The following CRMP1 variants were observed in gnomAD, a reference collection of about 807,000 sequenced individuals.
CRMP1 encodes collapsin response mediator protein 1, also known as dihydropyrimidinase-related protein 1.
Under a neutral mutation model 68.3 loss-of-function variants are expected in CRMP1, and 19 were observed. The ratio of observed to expected loss-of-function variants is 0.28; its 90% CI spans 0.19 to 0.41. The LOEUF (loss-of-function observed/expected upper bound fraction) is 0.41, where lower values mean the gene tolerates loss of function less well. Ranked by LOEUF, CRMP1 falls within the 10% of genes least tolerant of loss-of-function variation. CRMP1 has a pLI of 1.00. For synonymous variants in CRMP1, 439 were observed against 399.6 expected (o/e 1.10, Z -1.18); for missense variants, 791 against 967.4 (o/e 0.82, Z 2.42).
chr4:5,868,132 G>A lies in CRMP1; in HGVS notation c.382-1376C>T, dbSNP rs537111722. Among the ~76,000 whole-genome samples the A allele has an allele frequency of 4.6e-5, 7 of 151,676 alleles. No individual in the cohort carries two copies. In the East Asian group the frequency reaches 7.8e-4, roughly 17 times the overall value. On this transcript the variant is annotated intron_variant, in intron 1 of 13. Coordinates refer to ENST00000324989, the MANE Select transcript of CRMP1 (RefSeq NM_001014809.3). ...AAAGCTTCACCATATGGAGTGTTCC[G>A]GGCAGAGGAAATGATATGCAAGTCA...
rs1167603120 is a variant in CRMP1 at position 5,835,991 on chromosome 4, G to A, written c.1547C>T (p.Ala516Val). 2 of 1,605,236 alleles carry A rather than the reference G, an allele frequency of 1.2e-6. No individual in the cohort carries two copies. Among genetic ancestry groups the A allele is most frequent in the East Asian group, 2.3e-5 (1 of 44,130 alleles). The change falls in exon 11 of 14, where the codon GCC becomes GTC. Residue 516 changes from alanine (A) to valine (V), a missense_variant. By Grantham distance (64) the Ala-to-Val change is moderately conservative. This residue lies in a region of CRMP1 where 594 missense variants were observed against 763.6 expected (regional missense o/e 0.78). Coordinates refer to ENST00000324989, the MANE Select transcript of CRMP1 (RefSeq NM_001014809.3). Reference protein sequence around the residue: ...FNLYPRKGRIAVGSDADVVIW... With the variant: ...FNLYPRKGRIVVGSDADVVIW... ...GACCACGTCGGCATCCGAGCCCACG[G>A]CAATCCGCCCTTTCCTTGGGTACAG... is the stretch of plus-strand genomic sequence containing the variant.
chr4:5,843,542 T>C lies in CRMP1; in HGVS notation c.964-381A>G, dbSNP rs1353867551. ...TGGGTACAACATGGATATCTTCAAC[T>C]AGGAATCCTACTCTAGTCTTTGATG... On this transcript the variant is annotated intron_variant, in intron 6 of 13. Transcript: ENST00000324989. The surrounding 1 kb of genome is among the most constrained non-coding windows in gnomAD (Gnocchi z 4.1). Among the ~76,000 whole-genome samples, 1 of 152,128 alleles carries C rather than the reference T, an allele frequency of 6.6e-6. No homozygotes were observed. Among genetic ancestry groups the C allele is most frequent in the Non-Finnish European group, 1.5e-5 (1 of 68,028 alleles).
At chr4:5,839,492 C>T in intron 9 of CRMP1, 30 bp downstream of exon 9, 2 of 1,582,888 alleles carry the variant, frequency 1.3e-6, no homozygotes, top group South Asian at 1.2e-5. Context: ...CCAGCTGCCT[C>T]CCCCAGCCCC....
rs781303228 is a variant in CRMP1 at position 5,851,480 on chromosome 4, AT to A, written c.821-12del. ...GGAAGGAATTGACGCCTGTTTCAAG[AT>A]AGAAAGGATAGAAAAATATGTTTAA... On this transcript the variant is annotated splice_polypyrimidine_tract_variant and intron_variant, in intron 4 of 13. Coordinates refer to ENST00000324989, the MANE Select transcript of CRMP1 (RefSeq NM_001014809.3). 5 of 1,611,042 alleles carry A rather than the reference AT, an allele frequency of 3.1e-6. No individual in the cohort carries two copies. Among genetic ancestry groups the A allele is most frequent in the Middle Eastern group, 1.7e-4 (1 of 6,054 alleles).
chr4:5,837,029 AAGAG>A (rs1243156437), intron 9 of CRMP1, 123 bp from the exon 10 acceptor site: 1 of 1,119,404 alleles, frequency 8.9e-7, no homozygotes, highest in Non-Finnish European at 1.3e-6. Flanking sequence ...GCCAGTGGGT[AAGAG>A]AGACTCTCTA....
In CRMP1 at chr4:5,834,910, C is replaced by A. The variant is rs1720629811; in HGVS notation, c.1623+1005G>T. 6.6e-6 allele frequency among the ~76,000 whole-genome samples: 1 copy of A among 152,206 alleles called. No homozygotes were observed. Among genetic ancestry groups the A allele is most frequent in the Admixed American group, 6.5e-5 (1 of 15,286 alleles). On this transcript the variant is annotated intron_variant, in intron 11 of 13. Transcript: ENST00000324989. This position sits in a 1 kb window ranked among gnomAD's most constrained non-coding sequence, Gnocchi z 4.3. ...CAAGGTCAGTGAGCAGCTACCGAGA[C>A]CTCTGCTTCTGCAGGCCATGTCTGT... is the stretch of plus-strand genomic sequence containing the variant.
intron 1 of CRMP1, chr4:5,887,294 G>A (rs1715657682): frequency 1.1e-6 from 1 of 940,928 alleles, no homozygotes; most frequent in Admixed American, 6.2e-5. Flanking sequence ...TAAATGAGCA[G>A]GCTGGGTCTC....
At position 5,856,296 on chromosome 4, in the gene CRMP1, C is replaced by T; in HGVS notation, c.667G>A (p.Val223Ile). 1.9e-6 allele frequency: 3 copies of T among 1,613,580 alleles called. No individual in the cohort carries two copies. The highest frequency in any genetic ancestry group is 2.5e-6 in the Non-Finnish European group (3 of 1,179,724). The change falls in exon 4 of 14, where the codon GTT becomes ATT. Residue 223 changes from valine (V) to isoleucine (I), a missense_variant. By Grantham distance (29) the Val-to-Ile change is conservative. Transcript: ENST00000324989. ...AGTAGGCTGGACCCAGGTTCAGGAA[C>T]AACATGGTCAACTGGGACAGAGAAA... ...GGTTMIIDHVVPEPGSSLLTS... is the reference protein window; with the variant it reads ...GGTTMIIDHVIPEPGSSLLTS...
In CRMP1 at chr4:5,888,404, C is replaced by G. The variant is rs1000790508; in HGVS notation, c.381+4185G>C. 1 of 1,219,180 alleles carries G rather than the reference C, an allele frequency of 8.2e-7. No homozygotes were observed. Among genetic ancestry groups the G allele is most frequent in the Non-Finnish European group, 1.0e-6 (1 of 979,588 alleles). 75.5% of individuals were successfully genotyped at this position (1,219,180 alleles called of 1,614,324 possible). A position where few individuals can be genotyped will look rare whatever the true frequency, so the allele number is the denominator to read the frequency against. Reference sequence around the variant, plus strand: ...GAGACACGGACGGAGGCTCGGCGCCCGTGGATGCCCACGCGCGGCTGCCCC... The same window carrying G: ...GAGACACGGACGGAGGCTCGGCGCCGGTGGATGCCCACGCGCGGCTGCCCC... On this transcript the variant is annotated intron_variant, in intron 1 of 13. Coordinates refer to ENST00000324989, the MANE Select transcript of CRMP1 (RefSeq NM_001014809.3). The surrounding 1 kb of genome is among the most constrained non-coding windows in gnomAD (Gnocchi z 6.4).
chr4:5,851,716 GGGA>G (rs1560502175), intron 4 of CRMP1, among the ~76,000 whole-genome samples: 2 of 150,760 alleles, frequency 1.3e-5, no homozygotes, highest in Non-Finnish European at 3.0e-5. Context: ...GAGGAGGAAG[GGGA>G]GGAGAAGGAG....
In CRMP1 at chr4:5,883,142, A is replaced by G. The variant is rs1715317984; in HGVS notation, c.381+9447T>C. Among the ~76,000 whole-genome samples, 1 of 152,038 alleles carries G rather than the reference A, an allele frequency of 6.6e-6. No homozygotes were observed. The highest frequency in any genetic ancestry group is 1.5e-5 in the Non-Finnish European group (1 of 67,996). ...GGCTGATGTCATCCTCCAAACCCCA[A>G]GAAGCCATCTCTTGTTGCTTCTGCC... On this transcript the variant is annotated intron_variant, in intron 1 of 13. Coordinates refer to ENST00000324989, the MANE Select transcript of CRMP1 (RefSeq NM_001014809.3). The surrounding 1 kb of genome is among the most constrained non-coding windows in gnomAD (Gnocchi z 4.5).
rs1553910116 is a variant in CRMP1, at chr4:5,891,175, T to TACACATACACACAC, written c.381+1413_381+1414insGTGTGTGTATGTGT. On this transcript the variant is annotated intron_variant, in intron 1 of 13. Coordinates refer to ENST00000324989, the MANE Select transcript of CRMP1 (RefSeq NM_001014809.3). The surrounding 1 kb of genome is among the most constrained non-coding windows in gnomAD (Gnocchi z 5.2). ...TGATCACCCCACCACCACACACACA[T>TACACATACACACAC]ACACACACACACACACACACACACA... Among the ~76,000 whole-genome samples the TACACATACACACAC allele has an allele frequency of 1.5e-5, 2 of 131,964 alleles. No homozygotes were observed. Among genetic ancestry groups the TACACATACACACAC allele is most frequent in the African/African-American group, 2.9e-5 (1 of 34,374 alleles). 86.6% of individuals were successfully genotyped at this position (131,964 alleles called of 152,430 possible).
rs779747285 is a variant in CRMP1 at position 5,851,425 on chromosome 4, G to T, written c.865C>A (p.Gln289Lys). 5 of 1,614,102 alleles carry T rather than the reference G, an allele frequency of 3.1e-6. No homozygotes were observed. The highest frequency in any genetic ancestry group is 1.7e-5 in the Admixed American group (1 of 60,028). Residue 289 changes from glutamine (Q) to lysine (K), a missense_variant, in exon 5 of 14, where the codon CAA becomes AAA. Gln to Lys is a moderately conservative substitution (Grantham distance 53). This residue lies in a region of CRMP1 where 594 missense variants were observed against 763.6 expected (regional missense o/e 0.78). Transcript: ENST00000324989. The stretch of plus-strand genomic sequence containing the variant: ...GGACCTACCTGGCTGTCGGACATTT[G>T]GTAGACATCCTTATAGGCCATGTAG... ...QVYMAYKDVY[Q>K]MSDSQLYEAF...
chr4:5,874,920 C>T (rs1011102912), intron 1 of CRMP1, among the ~76,000 whole-genome samples: 1 of 152,170 alleles, frequency 6.6e-6, no homozygotes, highest in Non-Finnish European at 1.5e-5. Context: ...TGCAGGAAGG[C>T]GTCCTCGCGA....
intron 13 of CRMP1, among the ~76,000 whole-genome samples, chr4:5,822,970 C>T (rs1300943677): frequency 6.6e-6 from 1 of 152,214 alleles, no homozygotes; most frequent in African/African-American, 2.4e-5. Context: ...TTCTTGCTGA[C>T]CTACCCACTG....
chr4:5,864,136 G>A (rs936377695), intron 2 of CRMP1, among the ~76,000 whole-genome samples: 2 of 152,166 alleles, frequency 1.3e-5, no homozygotes, highest in African/African-American at 4.8e-5. Flanking sequence ...AATGAATGCA[G>A]CTCAACCCAT....
At position 5,856,151 on chromosome 4, in the gene CRMP1, T is replaced by C; in HGVS notation, c.812A>G (p.Gln271Arg). 1.2e-6 allele frequency: 2 copies of C among 1,613,942 alleles called. No individual in the cohort carries two copies. Among genetic ancestry groups the C allele is most frequent in the Non-Finnish European group, 1.7e-6 (2 of 1,179,874 alleles). The change falls in exon 4 of 14, where the codon CAG becomes CGG. Residue 271 changes from glutamine to arginine, a missense_variant. This residue lies in a region of CRMP1 where 594 missense variants were observed against 763.6 expected (regional missense o/e 0.78). Coordinates refer to ENST00000324989, the MANE Select transcript of CRMP1 (RefSeq NM_001014809.3). ...GVREELEVLVQDKGVNSFQVY... is the reference protein window; with the variant it reads ...GVREELEVLVRDKGVNSFQVY... Reference sequence around the variant, plus strand: ...CCGAGGCTTTAACTGACCTTTGTCCTGCACCAGCACCTCCAGCTCCTCCCG... The same window carrying C: ...CCGAGGCTTTAACTGACCTTTGTCCCGCACCAGCACCTCCAGCTCCTCCCG...
chr4:5,882,295 T>C (rs1577846093), intron 1 of CRMP1, among the ~76,000 whole-genome samples: 1 of 152,224 alleles, frequency 6.6e-6, no homozygotes, highest in South Asian at 2.1e-4. Flanking sequence ...TTTCTTCTCC[T>C]TCAGCCTGGG....
Position 5,890,351 on chromosome 4 carries a change from G to T in CRMP1, c.381+2238C>A, listed in dbSNP as rs1715882942. ...CGGTACAAAGCGCCGCAGCCGCTCA[G>T]CCTCCGGCAGCGGCAATCCTTGCGC... On this transcript the variant is annotated intron_variant, in intron 1 of 13. Transcript: ENST00000324989. This position sits in a 1 kb window ranked among gnomAD's most constrained non-coding sequence, Gnocchi z 5.5. Among the ~76,000 whole-genome samples, 2 of 152,194 alleles carry T rather than the reference G, an allele frequency of 1.3e-5. No individual in the cohort carries two copies. The highest frequency in any genetic ancestry group is 2.4e-5 in the African/African-American group (1 of 41,464).
Sources: gnomAD v4.1 joint callset for allele counts (sites outside exome capture counted in the v4.1 genomes callset) on GRCh38, gnomAD v4.1.1 for gene constraint, gnomAD v4.1.1 regional missense constraint, Gnocchi (gnomAD v3.1) non-coding constraint, MANE v1.5 for transcripts, NCBI Gene and HGNC (gene_info 2026-07-23, HGNC 2026-07-21) for gene names.